E2F5: variants seen among roughly 807,000 people sequenced by gnomAD.
The protein encoded by E2F5 is E2F transcription factor 5.
E2F5 carries 23 observed loss-of-function variants against 39.1 expected under a neutral mutation model. The observed-to-expected ratio is 0.59, with a 90% CI of 0.42 to 0.83. The LOEUF (loss-of-function observed/expected upper bound fraction) is 0.83, where lower values mean the gene tolerates loss of function less well. Ranked by LOEUF, E2F5 falls within the 40% of genes least tolerant of loss-of-function variation. E2F5 has a pLI of 0.00. For synonymous variants in E2F5, 145 were observed against 157.8 expected (o/e 0.92, Z 0.61); for missense variants, 365 against 406.7 (o/e 0.90, Z 0.88).
chr8:85,202,491 A>C (rs1273647903), intron 2 of E2F5, among the ~76,000 whole-genome samples: 1 of 152,134 alleles, frequency 6.6e-6, no homozygotes, highest in East Asian at 1.9e-4. Flanking sequence ...CCCTCAAGCT[A>C]TTACTCATTT....
At chr8:85,188,932 C>T (rs1185909160) in intron 1 of E2F5, among the ~76,000 whole-genome samples, 1 of 152,066 alleles carries the variant, frequency 6.6e-6, no homozygotes, top group Non-Finnish European at 1.5e-5. Context: ...GTGCTGCAAC[C>T]AGATAGTGTA....
At chr8:85,179,490 A>T (rs1273275301) in intron 1 of E2F5, among the ~76,000 whole-genome samples, 1 of 152,196 alleles carries the variant, frequency 6.6e-6, no homozygotes, top group Non-Finnish European at 1.5e-5. Flanking sequence ...GAACTCTCCT[A>T]AAAATTCAAA....
chr8:85,183,819 G>A (rs1287541330), intron 1 of E2F5, among the ~76,000 whole-genome samples: 2 of 152,162 alleles, frequency 1.3e-5, no homozygotes, highest in Non-Finnish European at 2.9e-5. Flanking sequence ...ATATGTTGAA[G>A]GCCTTACCTC....
At chr8:85,184,611 A>T (rs949044163) in intron 1 of E2F5, among the ~76,000 whole-genome samples, 3 of 152,336 alleles carry the variant, frequency 2.0e-5, no homozygotes, top group Middle Eastern at 3.4e-3. Context: ...GTATATTTAG[A>T]AAACCCCATC....
rs749919020 is a variant in E2F5, at chr8:85,206,166, T to A, written c.507-11T>A. 6.2e-7 allele frequency: 1 copy of A among 1,612,776 alleles called. No individual in the cohort carries two copies. Among genetic ancestry groups the A allele is most frequent in the East Asian group, 2.2e-5 (1 of 44,860 alleles). On this transcript the variant is annotated splice_polypyrimidine_tract_variant and intron_variant, in intron 3 of 7. Transcript: ENST00000416274. ...GATATAAATGTCGTTCCTTAACTCC[T>A]ATGACAGTACATTTTCCTATGTAAC... is the stretch of plus-strand genomic sequence containing the variant.
In E2F5 at chr8:85,179,042, C is replaced by A. The variant is rs1217755236; in HGVS notation, c.234+1388C>A. Among the ~76,000 whole-genome samples the A allele has an allele frequency of 2.0e-5, 3 of 152,238 alleles. No homozygotes were observed. The South Asian group carries it at 6.2e-4, about 32-fold the overall frequency. On this transcript the variant is annotated intron_variant, in intron 1 of 7. Coordinates refer to ENST00000416274, the MANE Select transcript of E2F5 (RefSeq NM_001951.4). Reference sequence around the variant, plus strand: ...CTTGTTCTCTTTTTTCCACCACAGCCCCTTCTTCCTTTCTCTCCCTGAAAG... The same window carrying A: ...CTTGTTCTCTTTTTTCCACCACAGCACCTTCTTCCTTTCTCTCCCTGAAAG...
At chr8:85,211,837 A>C (rs571967612) in intron 6 of E2F5, among the ~76,000 whole-genome samples, 2 of 151,670 alleles carry the variant, frequency 1.3e-5, no homozygotes, top group African/African-American at 4.8e-5. Flanking sequence ...GACGGATTTC[A>C]CTATGTTGCC....
rs1333720621 is a variant in E2F5, at chr8:85,208,698, C to T, written c.616-444C>T. Among the ~76,000 whole-genome samples the T allele has an allele frequency of 2.6e-5, 4 of 152,076 alleles. No individual in the cohort carries two copies. The East Asian group carries it at 7.7e-4, about 29-fold the overall frequency. ...AGCTGGAAGAATGTTATATTTATTTCTCAGTAGGAGAAATTAGTTGTCTTT... is the reference window on the plus strand; with the variant it reads ...AGCTGGAAGAATGTTATATTTATTTTTCAGTAGGAGAAATTAGTTGTCTTT... On this transcript the variant is annotated intron_variant, in intron 5 of 7. Transcript: ENST00000416274.
At chr8:85,178,400 G>A (rs1420774242) in intron 1 of E2F5, among the ~76,000 whole-genome samples, 6 of 152,084 alleles carry the variant, frequency 3.9e-5, no homozygotes, top group Admixed American at 1.3e-4. Context: ...CTCTCCCTGC[G>A]TCGTCCTTTA....
intron 4 of E2F5, 92 bp from the exon 5 acceptor site, chr8:85,207,333 C>T (rs1812819942): frequency 8.8e-7 from 1 of 1,135,156 alleles, no homozygotes; most frequent in Non-Finnish European, 1.3e-6. Context: ...TGGGATTGAA[C>T]CAAACACTCT....
intron 7 of E2F5, chr8:85,212,863 A>G (rs1245449932): frequency 6.6e-6 from 1 of 150,524 alleles, no homozygotes; most frequent in Non-Finnish European, 1.5e-5. Flanking sequence ...GCAAAGTGGA[A>G]AACAAAACAC....
chr8:85,200,407 G>C (rs769572443), intron 1 of E2F5: 17 of 545,460 alleles, frequency 3.1e-5, no homozygotes, highest in Non-Finnish European at 4.0e-5. Flanking sequence ...TAAATGTTGT[G>C]ATTGTTAAGC....
chr8:85,201,691 T>A (rs1191429749), intron 1 of E2F5: 2 of 165,516 alleles, frequency 1.2e-5, no homozygotes, highest in African/African-American at 4.8e-5. Flanking sequence ...GTGCATATAG[T>A]TCAGAATTTC....
chr8:85,207,342 C>G, intron 4 of E2F5, 83 bp from the exon 5 acceptor site: 2 of 1,230,682 alleles, frequency 1.6e-6, no homozygotes, highest in South Asian at 1.4e-5. Context: ...ACCAAACACT[C>G]TGATTCCAGA....
chr8:85,208,069 C>A (rs1812834447), intron 5 of E2F5, among the ~76,000 whole-genome samples: 1 of 152,184 alleles, frequency 6.6e-6, no homozygotes, highest in South Asian at 2.1e-4. Flanking sequence ...TGGCTCATGC[C>A]TGTAATCTCA....
At chr8:85,193,679 T>C (rs1262397787) in intron 1 of E2F5, among the ~76,000 whole-genome samples, 1 of 152,224 alleles carries the variant, frequency 6.6e-6, no homozygotes, top group Non-Finnish European at 1.5e-5. Context: ...CTCTGCTTTT[T>C]TTCCTGTGAA....
chr8:85,185,801 A>C lies in E2F5; in HGVS notation c.234+8147A>C, dbSNP rs573529667. Among the ~76,000 whole-genome samples, 3 of 152,370 alleles carry C rather than the reference A, an allele frequency of 2.0e-5. No homozygotes were observed. In the East Asian group the frequency reaches 5.8e-4, roughly 29 times the overall value. The stretch of plus-strand genomic sequence containing the variant: ...CATTGGAAAAATGCGAATCAAAACC[A>C]CAATGAGATACCATCTCACACCAGT... On this transcript the variant is annotated intron_variant, in intron 1 of 7. Coordinates refer to ENST00000416274, the MANE Select transcript of E2F5 (RefSeq NM_001951.4).
Position 85,203,178 on chromosome 8 carries a change from G to A in E2F5, c.429G>A (p.Lys143=). 6.2e-7 allele frequency: 1 copy of A among 1,606,760 alleles called. No individual in the cohort carries two copies. Among genetic ancestry groups the A allele is most frequent in the Admixed American group, 1.7e-5 (1 of 59,224 alleles). ...LKAEIEDLEL[K]ERELDQQKLW... ...CTGAAATTGAAGATCTAGAACTGAA[G>A]GAAAGAGAACTTGATCAGCAGAAGT... The change falls in exon 3 of 8, where the codon AAG becomes AAA. Residue 143 remains lysine (K), a synonymous_variant. Transcript: ENST00000416274.
At chr8:85,205,807 C>T (rs1484453454) in intron 3 of E2F5, among the ~76,000 whole-genome samples, 2 of 152,128 alleles carry the variant, frequency 1.3e-5, no homozygotes, top group African/African-American at 4.8e-5. Flanking sequence ...CCATTTAATA[C>T]AAGAACAAAA....
Sources: allele counts gnomAD v4.1 joint callset (sites outside exome capture counted in the v4.1 genomes callset), GRCh38; gene constraint gnomAD v4.1.1; transcripts MANE v1.5; gene names NCBI Gene and HGNC (gene_info 2026-07-23, HGNC 2026-07-21).